The following PCDHA1 variants were observed in gnomAD, a reference collection of about 807,000 sequenced individuals.
The protein encoded by PCDHA1 is protocadherin alpha-1.
A neutral mutation model predicts 61.3 loss-of-function variants in PCDHA1; 42 were observed. That is an observed-to-expected ratio of 0.69 (90% CI 0.54 to 0.89). The LOEUF (loss-of-function observed/expected upper bound fraction) is 0.89. Among genes scored for constraint, PCDHA1 ranks in the 40% least tolerant of loss-of-function variants. The pLI is 0.00. For missense variants in PCDHA1, 1,256 were observed against 1,235.3 expected (o/e 1.02, Z -0.25); for synonymous variants, 610 against 553.8 (o/e 1.10, Z -1.43).
At chr5:140,835,660 C>T (rs1773814607) in intron 1 of PCDHA1, 8 of 1,613,932 alleles carry the variant, frequency 5.0e-6, no homozygotes, top group Middle Eastern at 1.7e-4. Flanking sequence ...CTGGTGGTTA[C>T]CGCGCGGGAC....
intron 1 of PCDHA1, chr5:140,802,492 C>T: frequency 1.2e-6 from 2 of 1,614,136 alleles, no homozygotes; most frequent in Non-Finnish European, 8.5e-7. Context: ...GACGGGGGCT[C>T]GCCTTCACTG....
rs2096830970 is a variant in PCDHA1, at chr5:140,978,991, A to C, written c.2437A>C (p.Arg813=). Residue 813 remains arginine, a synonymous_variant, in exon 2 of 4, where the codon AGA becomes CGA. Coordinates refer to ENST00000504120, the MANE Select transcript of PCDHA1 (RefSeq NM_018900.4). ...TGACTGGCGTTACTCTGCCTCCCTG[A>C]GAGCAGGCATGCACAGGTATGTATT... ...NPDWRYSASL[R]AGMHSSVHLE... is the part of the protein sequence containing the mutation. 1.2e-6 allele frequency: 2 copies of C among 1,614,188 alleles called. No individual in the cohort carries two copies. Among genetic ancestry groups the C allele is most frequent in the East Asian group, 2.2e-5 (1 of 44,882 alleles).
At chr5:140,922,841 A>G (rs982832745) in intron 1 of PCDHA1, among the ~76,000 whole-genome samples, 67 of 152,372 alleles carry the variant, frequency 4.4e-4, no homozygotes, top group African/African-American at 1.5e-3. Flanking sequence ...GATGTCCTCA[A>G]AGAGACCAAA....
chr5:140,940,502 G>A (rs182744023), intron 1 of PCDHA1, among the ~76,000 whole-genome samples: 2 of 151,906 alleles, frequency 1.3e-5, no homozygotes, highest in Admixed American at 6.5e-5. Context: ...TTGCTCCGTC[G>A]CTCAGGCGTG....
intron 1 of PCDHA1, chr5:140,821,654 G>T: frequency 9.1e-7 from 1 of 1,101,190 alleles, no homozygotes; most frequent in Non-Finnish European, 1.3e-6. Context: ...TTCCATTTTT[G>T]GCTGTGCCAA....
chr5:140,887,357 A>T (rs112910602), intron 1 of PCDHA1, among the ~76,000 whole-genome samples: 12,309 of 152,126 alleles, frequency 0.081, 539 homozygotes, highest in Middle Eastern at 0.13. Context: ...CGGCCTCCCA[A>T]AGTGCTGGGA....
chr5:140,966,645 C>T (rs369620766), intron 1 of PCDHA1: 7 of 1,125,658 alleles, frequency 6.2e-6, no homozygotes, highest in Non-Finnish European at 8.2e-6. Flanking sequence ...CTTTCTAGAG[C>T]GTGAGCGGTG....
intron 3 of PCDHA1, among the ~76,000 whole-genome samples, chr5:141,008,307 G>A (rs1212029861): frequency 2.0e-5 from 3 of 152,176 alleles, no homozygotes; most frequent in Admixed American, 1.3e-4. Context: ...ACCCTAAACT[G>A]TAATTGAACA....
intron 1 of PCDHA1, chr5:140,808,151 G>A: frequency 6.2e-7 from 1 of 1,614,120 alleles, no homozygotes; most frequent in Non-Finnish European, 8.5e-7. Flanking sequence ...TATTGTAGAG[G>A]GCATTGATAA....
intron 1 of PCDHA1, chr5:140,842,447 G>C (rs200777298): frequency 6.2e-7 from 1 of 1,613,790 alleles, no homozygotes; most frequent in Non-Finnish European, 8.5e-7. Context: ...TAGCGTGAAC[G>C]ACCTCGATTC....
At chr5:140,825,989 G>A (rs1261302386) in intron 1 of PCDHA1, 1 of 152,210 alleles carries the variant, frequency 6.6e-6, no homozygotes, top group Non-Finnish European at 1.5e-5. Context: ...GGATTTATAG[G>A]TAGTAAATAG....
At chr5:140,926,613 C>T (rs868988407) in intron 1 of PCDHA1, 87 of 374,818 alleles carry the variant, frequency 2.3e-4, no homozygotes, top group Middle Eastern at 2.1e-3. Context: ...GTCTCTGCAC[C>T]CCTAGGCGGC....
Position 140,802,966 on chromosome 5 carries a change from T to G in PCDHA1, c.2394+14282T>G, listed in dbSNP as rs1554122488. ...CCGCGGTCAGTGGGTGCGGGCCACG[T>G]GGTAGCGAAGGTGCGCGCAGTGGAT... On this transcript the variant is annotated intron_variant, in intron 1 of 3. Transcript: ENST00000504120. 1.9e-6 allele frequency: 3 copies of G among 1,613,950 alleles called. No homozygotes were observed. In the Admixed American group the frequency reaches 5.0e-5, roughly 27 times the overall value.
intron 1 of PCDHA1, chr5:140,927,707 T>G (rs1224984801): frequency 6.2e-7 from 1 of 1,614,080 alleles, no homozygotes; most frequent in African/African-American, 1.3e-5. Flanking sequence ...CAGTACTCCC[T>G]AAGCAACAGC....
rs782580460 is a variant in PCDHA1, at chr5:140,875,923, C to T, written c.2394+87239C>T. 1.2e-5 allele frequency: 20 copies of T among 1,614,184 alleles called. 1 individual carries two copies. The South Asian group carries it at 2.1e-4, about 17-fold the overall frequency. On this transcript the variant is annotated intron_variant, in intron 1 of 3. Coordinates refer to ENST00000504120, the MANE Select transcript of PCDHA1 (RefSeq NM_018900.4). ...TTCTGAATCTGCGCCTCTGGACTCT[C>T]ATTTTCCTCTAGAGGGCGCTTCTGA...
At chr5:140,926,494 C>T (rs565938693) in intron 1 of PCDHA1, 46 of 181,758 alleles carry the variant, frequency 2.5e-4, no homozygotes, top group African/African-American at 1.0e-3. Flanking sequence ...GTGTTAGTGT[C>T]TCGGGGCGTC....
intron 1 of PCDHA1, chr5:140,870,575 A>G (rs2052179546): frequency 6.2e-7 from 1 of 1,613,690 alleles, no homozygotes; most frequent in Admixed American, 1.7e-5. Flanking sequence ...CTGGTGTCCT[A>G]CTCGCTGGTG....
chr5:140,868,540 A>T (rs1244659306), intron 1 of PCDHA1: 2 of 152,656 alleles, frequency 1.3e-5, no homozygotes, highest in Admixed American at 6.5e-5. Flanking sequence ...AAACAATTCA[A>T]ATTTGATAGT....
Position 140,848,482 on chromosome 5 carries a change from A to G in PCDHA1, c.2394+59798A>G, listed in dbSNP as rs1562444784. ...GGCAATTTTCACTAATTAGAAGAAG[A>G]CTGAGTATTTGAAATGTTATACTCA... On this transcript the variant is annotated intron_variant, in intron 1 of 3. Transcript: ENST00000504120. 3 of 1,569,886 alleles carry G rather than the reference A, an allele frequency of 1.9e-6. 1 individual carries two copies. In the African/African-American group the frequency reaches 4.1e-5, roughly 21 times the overall value.
Sources: allele counts gnomAD v4.1 joint callset (sites outside exome capture counted in the v4.1 genomes callset), GRCh38; gene constraint gnomAD v4.1.1; transcripts MANE v1.5; gene names NCBI Gene and HGNC (gene_info 2026-07-23, HGNC 2026-07-21).